ADPGK: variants seen among roughly 807,000 people sequenced by gnomAD.
The protein encoded by ADPGK is ADP dependent glucokinase, also known as ADP-dependent glucokinase.
Under a neutral mutation model 42.4 loss-of-function variants are expected in ADPGK, and 26 were observed. That is an observed-to-expected ratio of 0.61 (90% CI 0.45 to 0.85). The LOEUF is 0.85. Among genes scored for constraint, ADPGK ranks in the 40% least tolerant of loss-of-function variants. ADPGK has a pLI of 0.00. For missense variants in ADPGK, 571 were observed against 627.0 expected (o/e 0.91, Z 0.95); for synonymous variants, 267 against 252.6 (o/e 1.06, Z -0.54).
At chr15:72,758,430 GA>G (rs1207393233) in intron 4 of ADPGK, 135 of 418,250 alleles carry the variant, frequency 3.2e-4, no homozygotes, top group South Asian at 4.5e-4. Context: ...AGAGAATGTG[GA>G]AAAAAAAATG....
chr15:72,752,669 AG>A lies in ADPGK; in HGVS notation c.1165del (p.Leu389TrpfsTer32), dbSNP rs2066062206. ...IHFHTLVYHI[L>X]ATVDGHWANQ... is the part of the protein sequence containing the mutation. The stretch of plus-strand genomic sequence containing the variant: ...GGCCCAGTGTCCATCCACAGTTGCC[AG>A]GATGTGGTAGACCAGCGTGTGGAAA... On this transcript the variant is annotated frameshift_variant, in exon 7 of 7. Coordinates refer to ENST00000456471, the MANE Select transcript of ADPGK (RefSeq NM_001365225.1). LOFTEE classifies it high-confidence loss of function. The A allele has an allele frequency of 1.9e-6, 3 of 1,614,226 alleles. No homozygotes were observed. Among genetic ancestry groups the A allele is most frequent in the Non-Finnish European group, 2.5e-6 (3 of 1,180,036 alleles).
intron 3 of ADPGK, among the ~76,000 whole-genome samples, chr15:72,760,839 T>A (rs1468789204): frequency 6.6e-6 from 1 of 152,126 alleles, no homozygotes; most frequent in Non-Finnish European, 1.5e-5. Context: ...CACGTTTGTG[T>A]CACCTCCCCA....
At chr15:72,769,801 A>G (rs901331788) in intron 3 of ADPGK, among the ~76,000 whole-genome samples, 6 of 152,142 alleles carry the variant, frequency 3.9e-5, no homozygotes, top group African/African-American at 1.4e-4. Flanking sequence ...CACTCTACTC[A>G]TTATCAGGTA....
intron 4 of ADPGK, chr15:72,758,407 G>A (rs1325180358): frequency 1.9e-6 from 1 of 523,788 alleles, no homozygotes; most frequent in African/African-American, 1.9e-5. Context: ...CTTCTCTGGG[G>A]AGATCTGGTA....
intron 3 of ADPGK, among the ~76,000 whole-genome samples, chr15:72,767,742 G>T (rs2151083360): frequency 6.6e-6 from 1 of 152,188 alleles, no homozygotes; most frequent in Admixed American, 6.5e-5. Context: ...AAATCAAAGG[G>T]ATATTAGTAT....
chr15:72,752,231 A>G lies in ADPGK; in HGVS notation c.*110T>C. On this transcript the variant is annotated 3_prime_UTR_variant, in exon 7 of 7. Transcript: ENST00000456471. The stretch of plus-strand genomic sequence containing the variant: ...GCCAACAGGCTGGAATGTACCTGAT[A>G]CAGTTTAATCTGCTTTTATTTCTTT... 9.2e-7 allele frequency: 1 copy of G among 1,092,152 alleles called. No individual in the cohort carries two copies. The highest frequency in any genetic ancestry group is 1.3e-6 in the Non-Finnish European group (1 of 780,490). 67.7% of individuals were successfully genotyped at this position (1,092,152 alleles called of 1,614,324 possible).
At chr15:72,755,714 A>G in intron 5 of ADPGK, 60 bp from the exon 6 acceptor site, 1 of 1,348,872 alleles carries the variant, frequency 7.4e-7, no homozygotes. Flanking sequence ...AGAAAGAGGG[A>G]AGAAAAGATC....
Position 72,751,979 on chromosome 15 carries a change from T to G in ADPGK, c.*362A>C. ...CATGAGGCTTTCCTAGAGACCAGGA[T>G]GTTGGGTGAGTGGGCGTGCACTTCT... On this transcript the variant is annotated 3_prime_UTR_variant, in exon 7 of 7. Transcript: ENST00000456471. 1.4e-5 allele frequency: 3 copies of G among 211,056 alleles called. No individual in the cohort carries two copies. Among genetic ancestry groups the G allele is most frequent in the Admixed American group, 5.2e-5 (1 of 19,258 alleles). The allele number at this position is 211,056 out of a possible 1,614,324, so 13.1% of individuals were successfully genotyped here.
intron 5 of ADPGK, 97 bp from the exon 6 acceptor site, chr15:72,755,751 T>C: frequency 1.1e-6 from 1 of 940,818 alleles, no homozygotes; most frequent in Non-Finnish European, 1.7e-6. Context: ...TTCCTCCTGG[T>C]AATGGCCTTC....
At chr15:72,775,719 A>C (rs2066383992) in intron 1 of ADPGK, among the ~76,000 whole-genome samples, 1 of 152,144 alleles carries the variant, frequency 6.6e-6, no homozygotes, top group Admixed American at 6.6e-5. Context: ...CTTAGAATTT[A>C]GTGGTGTTTT....
In ADPGK at chr15:72,752,729, C is replaced by G; in HGVS notation, c.1106G>C (p.Ser369Thr). 5 of 1,614,210 alleles carry G rather than the reference C, an allele frequency of 3.1e-6. No homozygotes were observed. The highest frequency in any genetic ancestry group is 3.4e-6 in the Non-Finnish European group (4 of 1,180,048). ...LFWILKEHGR[S>T]KSRASDLTRI... ...GGTGAGATCCGAGGCTCTGCTTTTACTCCTCCCATGTTCTTTCAAGATCCA... is the reference window on the plus strand; with the variant it reads ...GGTGAGATCCGAGGCTCTGCTTTTAGTCCTCCCATGTTCTTTCAAGATCCA... The change falls in exon 7 of 7, where the codon AGT (serine) becomes ACT (threonine). Residue 369 changes from serine (S) to threonine (T), a missense_variant. Physicochemically the swap from Ser to Thr is moderately conservative, Grantham distance 58 (BLOSUM62 1). This residue lies in a region of ADPGK where 434 missense variants were observed against 522.7 expected (regional missense o/e 0.83). Transcript: ENST00000456471.
chr15:72,777,076 A>C (rs1161641619), intron 1 of ADPGK, among the ~76,000 whole-genome samples: 1 of 152,232 alleles, frequency 6.6e-6, no homozygotes, highest in Non-Finnish European at 1.5e-5. Context: ...TATGTTTAAA[A>C]TCTTTCCTTT....
chr15:72,752,218 G>GA lies in ADPGK; in HGVS notation c.*122dup. ...TTTTTATGGAGTTGCCAACAGGCTG[G>GA]AATGTACCTGATACAGTTTAATCTG... On this transcript the variant is annotated 3_prime_UTR_variant, in exon 7 of 7. Transcript: ENST00000456471. 1 of 968,848 alleles carries GA rather than the reference G, an allele frequency of 1.0e-6. No homozygotes were observed. The highest frequency in any genetic ancestry group is 1.5e-6 in the Non-Finnish European group (1 of 672,368). The allele number at this position is 968,848 out of a possible 1,614,324, so 60.0% of individuals were successfully genotyped here.
In ADPGK at chr15:72,756,422, A is replaced by C. The variant is rs1169872899; in HGVS notation, c.669T>G (p.Ala223=). ...AGAAGATGAATCGGTTGGCATGGGG[A>C]GCTTTTAACTGGCCCCACTCCTCCC... The part of the protein sequence containing the change: ...QAGEEWGQLK[A]PHANRFIFSH... Residue 223 remains alanine, a synonymous_variant, in exon 5 of 7, where the codon GCT becomes GCG. Coordinates refer to ENST00000456471, the MANE Select transcript of ADPGK (RefSeq NM_001365225.1). The C allele has an allele frequency of 6.2e-7, 1 of 1,613,970 alleles. No individual in the cohort carries two copies. Among genetic ancestry groups the C allele is most frequent in the Non-Finnish European group, 8.5e-7 (1 of 1,180,022 alleles).
At chr15:72,758,300 A>G in intron 4 of ADPGK, 1 of 705,628 alleles carries the variant, frequency 1.4e-6, no homozygotes, top group Non-Finnish European at 2.6e-6. Flanking sequence ...TCCTGTAAGC[A>G]ATCTCTTCTC....
At chr15:72,770,895 C>T (rs2066321237) in intron 3 of ADPGK, among the ~76,000 whole-genome samples, 1 of 152,166 alleles carries the variant, frequency 6.6e-6, no homozygotes, top group East Asian at 1.9e-4. Flanking sequence ...CTCTGACTCA[C>T]ATTTCTATTT....
intron 4 of ADPGK, chr15:72,756,760 T>C (rs773394022): frequency 2.1e-5 from 8 of 381,250 alleles, no homozygotes; most frequent in Non-Finnish European, 3.9e-5. Context: ...CAGTACAGAA[T>C]GGCAGCATGA....
intron 1 of ADPGK, among the ~76,000 whole-genome samples, chr15:72,776,496 G>T (rs2066394217): frequency 6.6e-6 from 1 of 152,182 alleles, no homozygotes; most frequent in African/African-American, 2.4e-5. Context: ...CAATGGATGA[G>T]ATTTTGGTGT....
Position 72,767,345 on chromosome 15 carries a change from C to T in ADPGK, c.522+4438G>A, listed in dbSNP as rs1159553288. Among the ~76,000 whole-genome samples the T allele has an allele frequency of 4.0e-5, 6 of 149,318 alleles. No individual in the cohort carries two copies. In the South Asian group the frequency reaches 6.3e-4, roughly 16 times the overall value. ...AAGTATCCAAAATTACAGTTGGAGA[C>T]GTCAACATACCTCTTAATAACTGAC... On this transcript the variant is annotated intron_variant, in intron 3 of 6. Transcript: ENST00000456471.
Sources: gnomAD v4.1 joint callset for allele counts (sites outside exome capture counted in the v4.1 genomes callset) on GRCh38, gnomAD v4.1.1 for gene constraint, gnomAD v4.1.1 regional missense constraint, MANE v1.5 for transcripts, NCBI Gene and HGNC (gene_info 2026-07-23, HGNC 2026-07-21) for gene names.